Variants in DIAPH3 observed in about 807,000 individuals in gnomAD.
The protein encoded by DIAPH3 is protein diaphanous homolog 3.
A neutral mutation model predicts 144.3 loss-of-function variants in DIAPH3; 117 were observed. The ratio of observed to expected loss-of-function variants is 0.81; its 90% CI spans 0.70 to 0.95. The LOEUF is 0.95. DIAPH3 is among the 40% of genes least tolerant of loss of function. The pLI, the probability that DIAPH3 is intolerant of heterozygous loss-of-function variation, is 0.00. For synonymous variants in DIAPH3, 519 were observed against 488.9 expected, an observed-to-expected ratio of 1.06 and a Z score of -0.81; for missense variants, 1,421 against 1,412.7, an observed-to-expected ratio of 1.01 and a Z score of -0.09.
At chr13:59,810,083 C>G (rs1000314844) in intron 25 of DIAPH3, among the ~76,000 whole-genome samples, 6 of 151,862 alleles carry the variant, frequency 4.0e-5, no homozygotes, top group African/African-American at 1.5e-4. Flanking sequence ...CTAAAAGATA[C>G]TTTGAAACAT....
chr13:59,935,321 G>T (rs530199080), intron 17 of DIAPH3, among the ~76,000 whole-genome samples: 3 of 152,158 alleles, frequency 2.0e-5, no homozygotes, highest in Non-Finnish European at 4.4e-5. Flanking sequence ...TCAAGAATGC[G>T]CCTATCACTA....
At chr13:59,842,167 G>T (rs2042385824) in intron 22 of DIAPH3, among the ~76,000 whole-genome samples, 2 of 151,930 alleles carry the variant, frequency 1.3e-5, no homozygotes, top group African/African-American at 4.8e-5. Flanking sequence ...AAGCATTCTG[G>T]ATGGACGGGT....
chr13:59,677,978 C>G (rs2032734842), intron 27 of DIAPH3, among the ~76,000 whole-genome samples: 1 of 152,138 alleles, frequency 6.6e-6, no homozygotes, highest in Admixed American at 6.5e-5. Context: ...CATGGGGAGA[C>G]TGGGTTACCG....
At chr13:60,138,163 G>A (rs1287293468) in intron 1 of DIAPH3, among the ~76,000 whole-genome samples, 1 of 152,170 alleles carries the variant, frequency 6.6e-6, no homozygotes, top group Non-Finnish European at 1.5e-5. Flanking sequence ...TGTTTGGCGT[G>A]CACAAGAATC....
intron 17 of DIAPH3, among the ~76,000 whole-genome samples, chr13:59,934,054 C>A (rs1368083317): frequency 6.6e-6 from 1 of 152,012 alleles, no homozygotes; most frequent in African/African-American, 2.4e-5. Flanking sequence ...TACATTATTT[C>A]ACCATTGCAA....
chr13:59,956,336 A>G (rs992514888), intron 17 of DIAPH3, among the ~76,000 whole-genome samples: 1 of 152,204 alleles, frequency 6.6e-6, no homozygotes, highest in Non-Finnish European at 1.5e-5. Context: ...TTGCTGCTTT[A>G]TGCAGTCTCG....
intron 17 of DIAPH3, among the ~76,000 whole-genome samples, chr13:59,949,697 C>T (rs536625975): frequency 6.6e-6 from 1 of 152,246 alleles, no homozygotes; most frequent in East Asian, 1.9e-4. Context: ...AAAATATTTA[C>T]TATTCAGTCT....
chr13:60,121,402 T>A (rs757882442), intron 2 of DIAPH3, among the ~76,000 whole-genome samples: 1 of 152,110 alleles, frequency 6.6e-6, no homozygotes, highest in Admixed American at 6.5e-5. Context: ...TACAGAACGA[T>A]AGCAGAAATT....
At chr13:59,725,506 G>T (rs1593679771) in intron 27 of DIAPH3, among the ~76,000 whole-genome samples, 1 of 152,224 alleles carries the variant, frequency 6.6e-6, no homozygotes, top group East Asian at 1.9e-4. Flanking sequence ...AAGACTTACT[G>T]CCACCTTATT....
At chr13:60,149,397 T>C (rs1039589566) in intron 1 of DIAPH3, among the ~76,000 whole-genome samples, 2 of 152,164 alleles carry the variant, frequency 1.3e-5, no homozygotes, top group African/African-American at 4.8e-5. Context: ...GCGAATGCTG[T>C]GGTATGTTCC....
At chr13:60,050,304 A>T (rs1421462657) in intron 4 of DIAPH3, among the ~76,000 whole-genome samples, 1 of 152,202 alleles carries the variant, frequency 6.6e-6, no homozygotes, top group African/African-American at 2.4e-5. Context: ...CAGAAGAGAA[A>T]ATACAAAGCC....
At chr13:59,850,579 A>G (rs2042906237) in intron 22 of DIAPH3, among the ~76,000 whole-genome samples, 1 of 150,416 alleles carries the variant, frequency 6.6e-6, no homozygotes, top group African/African-American at 2.5e-5. Flanking sequence ...TGAGATAATC[A>G]TGTGGTTTTT....
chr13:59,764,852 G>T (rs1383857629), intron 27 of DIAPH3, among the ~76,000 whole-genome samples: 1 of 152,078 alleles, frequency 6.6e-6, no homozygotes, highest in Non-Finnish European at 1.5e-5. Flanking sequence ...AGAATTGTGA[G>T]AGAATAAATT....
chr13:60,012,004 C>A (rs1436725980), intron 7 of DIAPH3, among the ~76,000 whole-genome samples: 1 of 151,854 alleles, frequency 6.6e-6, no homozygotes, highest in African/African-American at 2.4e-5. Context: ...GAGGATCCTA[C>A]TAAAGCATGA....
intron 5 of DIAPH3, among the ~76,000 whole-genome samples, chr13:60,027,040 C>A (rs1043796966): frequency 3.9e-5 from 6 of 152,210 alleles, no homozygotes; most frequent in Admixed American, 3.9e-4. Context: ...TGTATAATAT[C>A]TAGATCCAAT....
At chr13:59,688,860 T>G (rs577396926) in intron 27 of DIAPH3, among the ~76,000 whole-genome samples, 1 of 152,084 alleles carries the variant, frequency 6.6e-6, no homozygotes, top group African/African-American at 2.4e-5. Flanking sequence ...GCCACACTCA[T>G]GCAGATGAAT....
intron 1 of DIAPH3, among the ~76,000 whole-genome samples, chr13:60,151,026 C>T (rs1235433313): frequency 6.6e-6 from 1 of 150,948 alleles, no homozygotes; most frequent in Admixed American, 6.6e-5. Flanking sequence ...AAACAAACCT[C>T]TGGTGTGTGT....
At chr13:59,983,136 C>T (rs2818954) in intron 13 of DIAPH3, among the ~76,000 whole-genome samples, 29,434 of 65,086 alleles carry the variant, frequency 0.45, 4,544 homozygotes, top group Admixed American at 0.55. Flanking sequence ...AATGCTTTAT[C>T]TTTAAAAAAA....
At chr13:59,746,934 C>T (rs1215260614) in intron 27 of DIAPH3, among the ~76,000 whole-genome samples, 3 of 152,066 alleles carry the variant, frequency 2.0e-5, no homozygotes, top group African/African-American at 7.2e-5. Flanking sequence ...AAAGTAAAAA[C>T]TTGAACTACC....
Sources: allele counts gnomAD v4.1 joint callset (sites outside exome capture counted in the v4.1 genomes callset), GRCh38; gene constraint gnomAD v4.1.1; transcripts MANE v1.5; gene names NCBI Gene and HGNC (gene_info 2026-07-23, HGNC 2026-07-21).